Variants in CNTN5 observed in about 807,000 individuals in gnomAD.
The protein encoded by CNTN5 is contactin 5, also known as contactin-5.
In CNTN5, 77 loss-of-function variants were observed where a neutral mutation model predicts 129.1. The ratio of observed to expected loss-of-function variants is 0.60; its 90% CI spans 0.50 to 0.72. The LOEUF (loss-of-function observed/expected upper bound fraction) is 0.72. Ranked by LOEUF, CNTN5 falls within the 30% of genes least tolerant of loss-of-function variation. The pLI, the probability that CNTN5 is intolerant of heterozygous loss-of-function variation, is 0.00. For synonymous variants in CNTN5, 509 were observed against 465.6 expected, an observed-to-expected ratio of 1.09 and a Z score of -1.20; for missense variants, 1,478 against 1,328.8, an observed-to-expected ratio of 1.11 and a Z score of -1.75.
At chr11:99,138,705 A>T (rs551843528) in intron 1 of CNTN5, among the ~76,000 whole-genome samples, 2 of 152,292 alleles carry the variant, frequency 1.3e-5, no homozygotes, top group South Asian at 4.1e-4. Context: ...AAAATAACGA[A>T]TTCCCAAAAC....
At chr11:99,282,308 G>C (rs1863735996) in intron 1 of CNTN5, among the ~76,000 whole-genome samples, 1 of 151,992 alleles carries the variant, frequency 6.6e-6, no homozygotes, top group Admixed American at 6.6e-5. Context: ...TAATAGCATT[G>C]TGGGGCCATG....
At chr11:99,997,134 C>A (rs1297540812) in intron 8 of CNTN5, among the ~76,000 whole-genome samples, 1 of 152,100 alleles carries the variant, frequency 6.6e-6, no homozygotes, top group African/African-American at 2.4e-5. Flanking sequence ...CTCTTTTTTT[C>A]TTTATTAGTC....
At chr11:99,442,581 T>C (rs1443101424) in intron 2 of CNTN5, among the ~76,000 whole-genome samples, 2 of 152,194 alleles carry the variant, frequency 1.3e-5, no homozygotes, top group Non-Finnish European at 2.9e-5. Context: ...ATTTTAATCT[T>C]GATTATTTGG....
chr11:99,973,790 C>G (rs1025312840), intron 8 of CNTN5, among the ~76,000 whole-genome samples: 5 of 152,164 alleles, frequency 3.3e-5, no homozygotes, highest in African/African-American at 9.7e-5. Context: ...GATTCTAAAA[C>G]TACTTCTGGA....
intron 2 of CNTN5, among the ~76,000 whole-genome samples, chr11:99,552,318 G>C (rs1948519011): frequency 6.6e-6 from 1 of 151,434 alleles, no homozygotes; most frequent in Non-Finnish European, 1.5e-5. Context: ...ACTTTCTATG[G>C]TGGTCACTGT....
At chr11:99,608,984 T>C (rs1950516299) in intron 3 of CNTN5, among the ~76,000 whole-genome samples, 2 of 152,160 alleles carry the variant, frequency 1.3e-5, no homozygotes, top group African/African-American at 4.8e-5. Context: ...TTCTCACTGA[T>C]AAATATGCAC....
At chr11:99,231,337 C>T (rs1438250111) in intron 1 of CNTN5, among the ~76,000 whole-genome samples, 1 of 152,110 alleles carries the variant, frequency 6.6e-6, no homozygotes, top group Non-Finnish European at 1.5e-5. Flanking sequence ...TAATAATCAC[C>T]ATTCTAACTG....
intron 7 of CNTN5, among the ~76,000 whole-genome samples, chr11:99,936,461 A>C (rs1950317767): frequency 6.6e-6 from 1 of 151,670 alleles, no homozygotes; most frequent in Non-Finnish European, 1.5e-5. Context: ...TATTTTCAAA[A>C]GGACACTGCC....
chr11:100,285,000 T>G (rs541290515), intron 18 of CNTN5, among the ~76,000 whole-genome samples: 61 of 152,322 alleles, frequency 4.0e-4, no homozygotes, highest in South Asian at 2.5e-3. Flanking sequence ...AATTTCTCAC[T>G]CATAAAATGG....
intron 15 of CNTN5, among the ~76,000 whole-genome samples, chr11:100,224,420 A>G (rs1370618039): frequency 1.3e-5 from 2 of 152,186 alleles, no homozygotes; most frequent in African/African-American, 4.8e-5. Flanking sequence ...TTTTAAATAT[A>G]TGAGTTTGTG....
intron 2 of CNTN5, among the ~76,000 whole-genome samples, chr11:99,543,957 T>C (rs1393329062): frequency 1.4e-5 from 2 of 142,788 alleles, no homozygotes; most frequent in Admixed American, 1.4e-4. Flanking sequence ...GGAAATAAAG[T>C]AGGGGTAGTA....
At chr11:99,391,825 TC>T (rs1941277360) in intron 2 of CNTN5, among the ~76,000 whole-genome samples, 1 of 151,962 alleles carries the variant, frequency 6.6e-6, no homozygotes. Context: ...GATACCCTTG[TC>T]ATATTAGGTA....
chr11:99,260,514 G>C (rs1048385449), intron 1 of CNTN5, among the ~76,000 whole-genome samples: 1 of 151,712 alleles, frequency 6.6e-6, no homozygotes, highest in Non-Finnish European at 1.5e-5. Context: ...TCATCAAAAG[G>C]AGATTCTTTT....
In CNTN5 at chr11:100,153,706, A is replaced by T. The variant is rs74688289; in HGVS notation, c.1581-37420A>T. Among the ~76,000 whole-genome samples the T allele has an allele frequency of 3.1e-3, 475 of 152,246 alleles. 3 individuals are homozygous for T. Among genetic ancestry groups the T allele is most frequent in the African/African-American group, 0.011 (464 of 41,572 alleles). On this transcript the variant is annotated intron_variant, in intron 13 of 24. Coordinates refer to ENST00000524871, the MANE Select transcript of CNTN5 (RefSeq NM_014361.4). ...CAAGAAAAAACTATGCCAAAACATT[A>T]TATCTGGTATTAATGCTGACTATAA... is the stretch of plus-strand genomic sequence containing the variant.
chr11:100,309,776 C>A, intron 21 of CNTN5: 1 of 890,242 alleles, frequency 1.1e-6, no homozygotes, highest in Non-Finnish European at 1.3e-6. Flanking sequence ...AGTTTCCCTT[C>A]TCTATGGAGG....
chr11:99,359,960 G>A (rs1195912096), intron 2 of CNTN5, among the ~76,000 whole-genome samples: 1 of 152,138 alleles, frequency 6.6e-6, no homozygotes, highest in Non-Finnish European at 1.5e-5. Flanking sequence ...TTCCTCATTT[G>A]CCCTGATGTG....
At chr11:99,174,371 C>T (rs886492761) in intron 1 of CNTN5, among the ~76,000 whole-genome samples, 2 of 152,136 alleles carry the variant, frequency 1.3e-5, no homozygotes, top group Admixed American at 1.3e-4. Flanking sequence ...TTGGTTATAT[C>T]ATTAGCAAGA....
intron 15 of CNTN5, among the ~76,000 whole-genome samples, chr11:100,220,761 T>C (rs1219740458): frequency 6.6e-6 from 1 of 152,184 alleles, no homozygotes; most frequent in Non-Finnish European, 1.5e-5. Context: ...CCAAGGTGAA[T>C]ATCTAATAAG....
Position 99,042,887 on chromosome 11 carries a change from T to C in CNTN5, c.-210+21617T>C, listed in dbSNP as rs138096994. Reference sequence around the variant, plus strand: ...CATTGATCTCTGTAGCATGCTACTTTAACTCCTAGGGACTGCAATCCTTCT... The same window carrying C: ...CATTGATCTCTGTAGCATGCTACTTCAACTCCTAGGGACTGCAATCCTTCT... On this transcript the variant is annotated intron_variant, in intron 1 of 24. Coordinates refer to ENST00000524871, the MANE Select transcript of CNTN5 (RefSeq NM_014361.4). 5.7e-4 allele frequency among the ~76,000 whole-genome samples: 85 copies of C among 148,848 alleles called. 1 individual carries two copies. The highest frequency in any genetic ancestry group is 3.5e-3 in the Middle Eastern group (1 of 288).
Sources: gnomAD v4.1 joint callset for allele counts (sites outside exome capture counted in the v4.1 genomes callset) on GRCh38, gnomAD v4.1.1 for gene constraint, MANE v1.5 for transcripts, NCBI Gene and HGNC (gene_info 2026-07-23, HGNC 2026-07-21) for gene names.